Variants in PRKCH observed in about 807,000 individuals in gnomAD.
PRKCH encodes the protein protein kinase C eta type.
Under a neutral mutation model 82.5 loss-of-function variants are expected in PRKCH, and 28 were observed. The ratio of observed to expected loss-of-function variants is 0.34; its 90% CI spans 0.25 to 0.47. The LOEUF (loss-of-function observed/expected upper bound fraction) is 0.47, where lower values mean the gene tolerates loss of function less well. PRKCH is among the 20% of genes least tolerant of loss of function. PRKCH has a pLI of 1.00. For synonymous variants in PRKCH, 322 were observed against 327.4 expected, an observed-to-expected ratio of 0.98 and a Z score of 0.18; for missense variants, 705 against 881.8, an observed-to-expected ratio of 0.80 and a Z score of 2.54.
At chr14:61,211,452 G>A (rs189000410) in intron 1 of PRKCH, among the ~76,000 whole-genome samples, 12 of 152,150 alleles carry the variant, frequency 7.9e-5, no homozygotes, top group Non-Finnish European at 1.5e-4. Flanking sequence ...AAACCACCAC[G>A]TGTTCTTGTA....
At chr14:61,203,043 T>A (rs561589783) in intron 1 of PRKCH, among the ~76,000 whole-genome samples, 2 of 152,046 alleles carry the variant, frequency 1.3e-5, no homozygotes, top group Non-Finnish European at 1.5e-5. Flanking sequence ...CCTAATTGAT[T>A]TTTTTAAAAT....
At chr14:61,258,947 G>A (rs761607892) in intron 1 of PRKCH, among the ~76,000 whole-genome samples, 17 of 152,260 alleles carry the variant, frequency 1.1e-4, no homozygotes, top group Non-Finnish European at 2.4e-4. Context: ...GTCCTTTGCT[G>A]AACATGGCAA....
intron 2 of PRKCH, among the ~76,000 whole-genome samples, chr14:61,432,853 C>T (rs144532060): frequency 6.6e-5 from 10 of 151,774 alleles, no homozygotes; most frequent in African/African-American, 2.2e-4. Context: ...AGATAATAGG[C>T]GTGAGCCACC....
At chr14:61,284,604 A>G (rs992177213) in intron 1 of PRKCH, among the ~76,000 whole-genome samples, 11 of 152,234 alleles carry the variant, frequency 7.2e-5, no homozygotes, top group Non-Finnish European at 1.6e-4. Flanking sequence ...CGTGTTCCTC[A>G]GAGTTCACTA....
At chr14:61,535,395 C>T (rs2043094232) in intron 12 of PRKCH, among the ~76,000 whole-genome samples, 1 of 152,210 alleles carries the variant, frequency 6.6e-6, no homozygotes, top group Non-Finnish European at 1.5e-5. Context: ...ATTTATTTAA[C>T]AGGCAGATCT....
intron 1 of PRKCH, among the ~76,000 whole-genome samples, chr14:61,271,619 T>C (rs1958788234): frequency 6.6e-6 from 1 of 152,230 alleles, no homozygotes; most frequent in South Asian, 2.1e-4. Context: ...GACTAGTTAT[T>C]TAACCTCTCT....
At chr14:61,418,818 C>A (rs1164568814) in intron 2 of PRKCH, among the ~76,000 whole-genome samples, 1 of 152,196 alleles carries the variant, frequency 6.6e-6, no homozygotes, top group Non-Finnish European at 1.5e-5. Context: ...CTGCCCCTTC[C>A]TAAATTCCCA....
chr14:61,539,832 A>G (rs1027195773), intron 12 of PRKCH, among the ~76,000 whole-genome samples: 2 of 152,236 alleles, frequency 1.3e-5, no homozygotes, highest in Admixed American at 1.3e-4. Flanking sequence ...CGGACAGGCC[A>G]GTCCGGCTCT....
At chr14:61,228,474 G>A (rs934676465) in intron 1 of PRKCH, among the ~76,000 whole-genome samples, 4 of 152,252 alleles carry the variant, frequency 2.6e-5, no homozygotes, top group African/African-American at 7.2e-5. Context: ...GAGGATTGGC[G>A]ATCAGAGTTT....
At chr14:61,449,498 C>A (rs1884386236) in intron 5 of PRKCH, among the ~76,000 whole-genome samples, 1 of 152,084 alleles carries the variant, frequency 6.6e-6, no homozygotes, top group South Asian at 2.1e-4. Context: ...TATGTGGCAT[C>A]ATCCCTCCTT....
At chr14:61,379,015 C>A (rs533696857) in intron 1 of PRKCH, among the ~76,000 whole-genome samples, 2 of 152,328 alleles carry the variant, frequency 1.3e-5, no homozygotes, top group African/African-American at 4.8e-5. Context: ...CTGATTGAAA[C>A]CCCTCAGTGG....
chr14:61,390,151 C>G (rs1338162735), intron 1 of PRKCH, among the ~76,000 whole-genome samples: 1 of 152,134 alleles, frequency 6.6e-6, no homozygotes, highest in Non-Finnish European at 1.5e-5. Context: ...AAGTTAGCAT[C>G]CGGTAGGAAG....
intron 1 of PRKCH, chr14:61,281,055 C>T: frequency 6.6e-7 from 1 of 1,521,796 alleles, no homozygotes; most frequent in Non-Finnish European, 8.8e-7. Flanking sequence ...CGATGCTGGC[C>T]GACAGCAGCG....
At chr14:61,304,306 T>C (rs946892907) in intron 1 of PRKCH, 1 of 152,182 alleles carries the variant, frequency 6.6e-6, no homozygotes, top group African/African-American at 2.4e-5. Context: ...TGTCTTTAAA[T>C]AGTCTGTTTT....
chr14:61,283,036 G>GT (rs1281961751), intron 1 of PRKCH, among the ~76,000 whole-genome samples: 4 of 149,860 alleles, frequency 2.7e-5, no homozygotes, highest in African/African-American at 1.0e-4. Flanking sequence ...AACTTTTGTA[G>GT]ATTTTTTTTT....
At chr14:61,342,718 A>C (rs569139794) in intron 1 of PRKCH, among the ~76,000 whole-genome samples, 1 of 152,230 alleles carries the variant, frequency 6.6e-6, no homozygotes, top group African/African-American at 2.4e-5. Context: ...AATGCAACAG[A>C]TCTTAACATC....
intron 10 of PRKCH, chr14:61,528,826 T>C: frequency 3.3e-6 from 1 of 299,070 alleles, no homozygotes. Context: ...CATTTTCCTG[T>C]GGTCAGCCCA....
chr14:61,431,796 T>C (rs1420941638), intron 2 of PRKCH, among the ~76,000 whole-genome samples: 1 of 152,266 alleles, frequency 6.6e-6, no homozygotes, highest in Non-Finnish European at 1.5e-5. Flanking sequence ...CTTCTTTTTA[T>C]TTCTAGCAAT....
chr14:61,309,215 G>T (rs1173050310), intron 1 of PRKCH, among the ~76,000 whole-genome samples: 1 of 152,098 alleles, frequency 6.6e-6, no homozygotes, highest in Non-Finnish European at 1.5e-5. Context: ...CTGGGAGGTC[G>T]AGGCTGCAGT....
Sources: allele counts gnomAD v4.1 joint callset (sites outside exome capture counted in the v4.1 genomes callset), GRCh38; gene constraint gnomAD v4.1.1; transcripts MANE v1.5; gene names NCBI Gene and HGNC (gene_info 2026-07-23, HGNC 2026-07-21).